GRID2: variants seen among roughly 807,000 people sequenced by gnomAD.
GRID2 encodes glutamate ionotropic receptor delta type subunit 2.
GRID2 carries 33 observed loss-of-function variants against 114.8 expected under a neutral mutation model. The ratio of observed to expected loss-of-function variants is 0.29; its 90% confidence interval spans 0.22 to 0.38. The LOEUF is 0.38. GRID2 is among the 10% of genes least tolerant of loss of function. The pLI is 1.00. For synonymous variants in GRID2, 505 were observed against 449.9 expected, an observed-to-expected ratio of 1.12 and a Z score of -1.55; for missense variants, 1,184 against 1,257.7, an observed-to-expected ratio of 0.94 and a Z score of 0.89.
At chr4:93,593,527 T>A (rs1320470214) in intron 13 of GRID2, among the ~76,000 whole-genome samples, 37 of 142,610 alleles carry the variant, frequency 2.6e-4, no homozygotes, top group Non-Finnish European at 2.0e-4. Context: ...CTGACAATTA[T>A]GTGTCTTGGA....
At chr4:92,967,473 TTTTA>T (rs1330732052) in intron 2 of GRID2, among the ~76,000 whole-genome samples, 11 of 151,960 alleles carry the variant, frequency 7.2e-5, no homozygotes, top group South Asian at 2.1e-4. Flanking sequence ...GCTCTGTAGC[TTTTA>T]TTTATTTATA....
At chr4:93,408,616 A>G (rs1766780160) in intron 9 of GRID2, among the ~76,000 whole-genome samples, 2 of 152,110 alleles carry the variant, frequency 1.3e-5, no homozygotes, top group African/African-American at 2.4e-5. Context: ...AGTCCTTTTG[A>G]TAAGAGCTGG....
At chr4:92,656,045 T>C (rs1184298457) in intron 2 of GRID2, among the ~76,000 whole-genome samples, 1 of 151,796 alleles carries the variant, frequency 6.6e-6, no homozygotes, top group Non-Finnish European at 1.5e-5. Context: ...GGTCCTTCTA[T>C]GCCGAGTTTG....
chr4:92,813,046 A>T (rs761955264), intron 2 of GRID2, among the ~76,000 whole-genome samples: 1 of 152,140 alleles, frequency 6.6e-6, no homozygotes, highest in Non-Finnish European at 1.5e-5. Flanking sequence ...AGATATGTGT[A>T]TATACCTTTA....
chr4:92,396,378 A>G (rs1730492296), intron 1 of GRID2, among the ~76,000 whole-genome samples: 1 of 151,986 alleles, frequency 6.6e-6, no homozygotes, highest in Non-Finnish European at 1.5e-5. Context: ...ATTCAGCGAA[A>G]CAAATGTTTG....
At position 93,471,698 on chromosome 4, in the gene GRID2, A is replaced by ATTTTTTTT. The variant is rs897411033; in HGVS notation, c.1858+15734_1858+15741dup. 2.2e-3 allele frequency among the ~76,000 whole-genome samples: 136 copies of ATTTTTTTT among 60,974 alleles called. 18 individuals carry two copies. Among genetic ancestry groups the ATTTTTTTT allele is most frequent in the African/African-American group, 6.8e-3 (75 of 11,086 alleles). The allele number at this position is 60,974 out of a possible 152,430, so 40.0% of individuals were successfully genotyped here. On this transcript the variant is annotated intron_variant, in intron 11 of 15. Transcript: ENST00000282020. ...ATTGTTATTTCTTCTCCTGAATTCA[A>ATTTTTTTT]TTTTTTTTTTTTTTTTTGGAGACGG... is the stretch of plus-strand genomic sequence containing the variant.
At chr4:93,300,010 A>G (rs1754699891) in intron 8 of GRID2, among the ~76,000 whole-genome samples, 1 of 152,210 alleles carries the variant, frequency 6.6e-6, no homozygotes, top group African/African-American at 2.4e-5. Context: ...GTATTTGCAT[A>G]TAACCTACAT....
intron 3 of GRID2, among the ~76,000 whole-genome samples, chr4:93,110,020 T>C (rs1030859912): frequency 6.6e-6 from 1 of 152,164 alleles, no homozygotes; most frequent in Non-Finnish European, 1.5e-5. Context: ...ATGTAAATAT[T>C]TTGCTGATCA....
At chr4:92,517,278 C>T (rs1206423641) in intron 1 of GRID2, among the ~76,000 whole-genome samples, 2 of 151,822 alleles carry the variant, frequency 1.3e-5, no homozygotes, top group Non-Finnish European at 2.9e-5. Flanking sequence ...TAGTTCCTCC[C>T]ATTTTTTTAG....
intron 2 of GRID2, among the ~76,000 whole-genome samples, chr4:92,951,390 C>T (rs1410576947): frequency 6.6e-6 from 1 of 151,396 alleles, no homozygotes; most frequent in Non-Finnish European, 1.5e-5. Flanking sequence ...CTCACTTTTT[C>T]ACCCAGGCTG....
At chr4:93,454,389 A>G (rs1393563107) in intron 10 of GRID2, among the ~76,000 whole-genome samples, 1 of 152,074 alleles carries the variant, frequency 6.6e-6, no homozygotes, top group East Asian at 1.9e-4. Flanking sequence ...TAACTTCTGT[A>G]CTTACTAACT....
intron 1 of GRID2, among the ~76,000 whole-genome samples, chr4:92,445,301 C>A (rs2149072779): frequency 6.6e-6 from 1 of 152,232 alleles, no homozygotes; most frequent in Middle Eastern, 3.4e-3. Flanking sequence ...TGCTGCTAAA[C>A]AATTGAGATG....
chr4:93,058,890 A>T (rs1046394364), intron 2 of GRID2, among the ~76,000 whole-genome samples: 1 of 152,060 alleles, frequency 6.6e-6, no homozygotes, highest in African/African-American at 2.4e-5. Flanking sequence ...GCATTATAAA[A>T]GAAATTGTTA....
chr4:93,041,993 C>T, intron 2 of GRID2, among the ~76,000 whole-genome samples: 1 of 152,038 alleles, frequency 6.6e-6, no homozygotes, highest in Admixed American at 6.6e-5. Flanking sequence ...ACCTCTGCCT[C>T]CCAGGTTCAC....
chr4:93,784,767 G>C (rs112120630), intron 1 of GRID2, among the ~76,000 whole-genome samples: 124 of 151,984 alleles, frequency 8.2e-4, no homozygotes, highest in African/African-American at 2.9e-3. Context: ...ATAAGGCAAA[G>C]TATGATATGT....
At chr4:92,750,093 T>G (rs1578141689) in intron 2 of GRID2, among the ~76,000 whole-genome samples, 1 of 152,114 alleles carries the variant, frequency 6.6e-6, no homozygotes, top group African/African-American at 2.4e-5. Context: ...ACTCCCGACC[T>G]TAGCTGATCT....
At chr4:92,997,018 A>G (rs756902652) in intron 2 of GRID2, among the ~76,000 whole-genome samples, 15 of 152,198 alleles carry the variant, frequency 9.9e-5, no homozygotes, top group Non-Finnish European at 4.4e-5. Context: ...ATCATACGTT[A>G]GGTACCAACT....
At chr4:92,943,964 C>G (rs1039732266) in intron 2 of GRID2, among the ~76,000 whole-genome samples, 1 of 152,138 alleles carries the variant, frequency 6.6e-6, no homozygotes, top group African/African-American at 2.4e-5. Context: ...CAGAGGGGTA[C>G]CAGGCCATGT....
At chr4:92,621,263 G>C (rs868024691) in intron 2 of GRID2, among the ~76,000 whole-genome samples, 24 of 151,934 alleles carry the variant, frequency 1.6e-4, no homozygotes, top group African/African-American at 4.3e-4. Context: ...GAAAAGGAAA[G>C]ATGAAGTGAT....
Sources: allele counts gnomAD v4.1 joint callset (sites outside exome capture counted in the v4.1 genomes callset), GRCh38; gene constraint gnomAD v4.1.1; transcripts MANE v1.5; gene names NCBI Gene and HGNC (gene_info 2026-07-23, HGNC 2026-07-21).